CD101: variants seen among roughly 807,000 people sequenced by gnomAD.
CD101 encodes the protein immunoglobulin superfamily member 2.
In CD101, 76 loss-of-function variants were observed where a neutral mutation model predicts 98.2. The observed-to-expected ratio is 0.77, with a 90% CI of 0.64 to 0.94. The LOEUF is 0.94. Ranked by LOEUF, CD101 falls within the 40% of genes least tolerant of loss-of-function variation. The pLI is 0.00. For missense variants in CD101, 1,145 were observed against 1,218.8 expected, an observed-to-expected ratio of 0.94 and a Z score of 0.90; for synonymous variants, 471 against 472.7, an observed-to-expected ratio of 1.00 and a Z score of 0.05.
At chr1:117,025,925 C>G (rs369688691) in intron 8 of CD101, 21 bp downstream of exon 8, 3 of 1,585,226 alleles carry the variant, frequency 1.9e-6, no homozygotes, top group Non-Finnish European at 2.6e-6. Context: ...GTTTATCTAC[C>G]GCGAGCTCAT....
Position 117,011,737 on chromosome 1 carries a change from T to C in CD101, c.612T>C (p.Asp204=). 1 of 1,614,086 alleles carries C rather than the reference T, an allele frequency of 6.2e-7. No individual in the cohort carries two copies. The highest frequency in any genetic ancestry group is 8.5e-7 in the Non-Finnish European group (1 of 1,180,004). The part of the protein sequence containing the change: ...QATEIISLSK[D]FILVPGPLYT... ...CTGAGATTATTTCTCTCTCCAAAGA[T>C]TTTATATTGGTCCCTGGGCCCTTGT... is the stretch of plus-strand genomic sequence containing the variant. Residue 204 remains aspartate (D), a synonymous_variant, in exon 3 of 10, where the codon GAT becomes GAC. Coordinates refer to ENST00000682167, the MANE Select transcript of CD101 (RefSeq NM_001256106.3).
At position 117,021,540 on chromosome 1, in the gene CD101, A is replaced by T; in HGVS notation, c.2018-33A>T. 6.6e-7 allele frequency: 1 copy of T among 1,523,030 alleles called. No homozygotes were observed. Among genetic ancestry groups the T allele is most frequent in the Non-Finnish European group, 8.8e-7 (1 of 1,137,964 alleles). The allele number at this position is 1,523,030 out of a possible 1,614,324, so 94.3% of individuals were successfully genotyped here. A position where few individuals can be genotyped will look rare whatever the true frequency, so the allele number is the denominator to read the frequency against. On this transcript the variant is annotated intron_variant, in intron 6 of 9. Coordinates refer to ENST00000682167, the MANE Select transcript of CD101 (RefSeq NM_001256106.3). This position sits in a 1 kb window ranked among gnomAD's most constrained non-coding sequence, Gnocchi z 4.7. The stretch of plus-strand genomic sequence containing the variant: ...CTACTACCTTAACTTTCTATTTCAT[A>T]GCAAAGTAACTGTTTCATTTTTTTA...
At chr1:117,002,373 A>G (rs1428191601) in intron 1 of CD101, among the ~76,000 whole-genome samples, 1 of 152,234 alleles carries the variant, frequency 6.6e-6, no homozygotes, top group Non-Finnish European at 1.5e-5. Flanking sequence ...CTACTGAGAG[A>G]CTGAGAAATG....
At chr1:117,008,462 CA>C (rs569732141) in intron 1 of CD101, among the ~76,000 whole-genome samples, 1,735 of 139,598 alleles carry the variant, frequency 0.012, 10 homozygotes, top group South Asian at 0.023. Context: ...AAGACCGTGT[CA>C]AAAAAAAAAA....
intron 8 of CD101, among the ~76,000 whole-genome samples, chr1:117,029,321 GAA>G (rs904577214): frequency 1.3e-5 from 2 of 152,112 alleles, no homozygotes; most frequent in Admixed American, 1.3e-4. Context: ...AAAGAAGAAA[GAA>G]AGAAAGAAGG....
intron 1 of CD101, 76 bp from the exon 2 acceptor site, chr1:117,009,774 G>C (rs1250863565): frequency 2.7e-5 from 39 of 1,437,078 alleles, no homozygotes; most frequent in Non-Finnish European, 3.7e-5. Context: ...GTAATACAGG[G>C]AAATACATAA....
rs1042956496 is a variant in CD101, at chr1:117,033,729, G to A, written c.2825-131G>A. ...GTCCTGTGCTCCTCATGATTTCAGG[G>A]GCCCACTGCTATTTGGCCCCATTAT... On this transcript the variant is annotated intron_variant, in intron 8 of 9. Coordinates refer to ENST00000682167, the MANE Select transcript of CD101 (RefSeq NM_001256106.3). The surrounding 1 kb of genome is among the most constrained non-coding windows in gnomAD (Gnocchi z 4.8). 124 of 1,175,684 alleles carry A rather than the reference G, an allele frequency of 1.1e-4. No individual in the cohort carries two copies. In the Middle Eastern group the frequency reaches 1.3e-3, roughly 12 times the overall value. 72.8% of individuals were successfully genotyped at this position (1,175,684 alleles called of 1,614,324 possible). A position where few individuals can be genotyped will look rare whatever the true frequency, so the allele number is the denominator to read the frequency against.
At position 117,031,151 on chromosome 1, in the gene CD101, A is replaced by G. The variant is rs3767781; in HGVS notation, c.2825-2709A>G. ...GGCCTCCCAGGAGAGGTGATTTAAC[A>G]GCACAGGCACTAACAGTTGCTAGCT... On this transcript the variant is annotated intron_variant, in intron 8 of 9. Coordinates refer to ENST00000682167, the MANE Select transcript of CD101 (RefSeq NM_001256106.3). Among the ~76,000 whole-genome samples, 94 of 152,296 alleles carry G rather than the reference A, an allele frequency of 6.2e-4. No individual in the cohort carries two copies. The East Asian group carries it at 0.015, about 24-fold the overall frequency.
rs1227788827 is a variant in CD101, at chr1:117,012,895, A to G, written c.842-511A>G. On this transcript the variant is annotated intron_variant, in intron 3 of 9. Coordinates refer to ENST00000682167, the MANE Select transcript of CD101 (RefSeq NM_001256106.3). The surrounding 1 kb of genome is among the most constrained non-coding windows in gnomAD (Gnocchi z 4.0). ...AAGTTTTTTCTTTATTAAAAACAGTATTATTGTGTTCCACTAAAAATTGTC... is the reference window on the plus strand; with the variant it reads ...AAGTTTTTTCTTTATTAAAAACAGTGTTATTGTGTTCCACTAAAAATTGTC... Among the ~76,000 whole-genome samples, 2 of 152,178 alleles carry G rather than the reference A, an allele frequency of 1.3e-5. No homozygotes were observed. Among genetic ancestry groups the G allele is most frequent in the Admixed American group, 6.5e-5 (1 of 15,272 alleles).
intron 4 of CD101, among the ~76,000 whole-genome samples, chr1:117,016,415 A>G (rs950466365): frequency 2.6e-5 from 4 of 152,094 alleles, no homozygotes; most frequent in African/African-American, 7.2e-5. Context: ...CTAAAAAACT[A>G]AAAATTTAAA....
At chr1:117,029,213 A>AAAAGAAAAG (rs1654217972) in intron 8 of CD101, among the ~76,000 whole-genome samples, 1 of 71,758 alleles carries the variant, frequency 1.4e-5, no homozygotes, top group Non-Finnish European at 2.9e-5. Context: ...GAAAAGAAAG[A>AAAAGAAAAG]AAAGAAAGAA....
chr1:117,021,835 A>G lies in CD101; in HGVS notation c.2280A>G (p.Leu760=). 1 of 1,614,126 alleles carries G rather than the reference A, an allele frequency of 6.2e-7. No individual in the cohort carries two copies. Among genetic ancestry groups the G allele is most frequent in the South Asian group, 1.1e-5 (1 of 91,084 alleles). ...KFHTEKVSQD[L]FQLHILNVED... is the part of the protein sequence containing the mutation. ...ATACTGAGAAGGTTTCCCAAGACTT[A>G]TTTCAGCTGCACATTCTGAATGTGG... is the stretch of plus-strand genomic sequence containing the variant. Residue 760 remains leucine (L), a synonymous_variant, in exon 7 of 10, where the codon TTA becomes TTG. Coordinates refer to ENST00000682167, the MANE Select transcript of CD101 (RefSeq NM_001256106.3). This position sits in a 1 kb window ranked among gnomAD's most constrained non-coding sequence, Gnocchi z 4.7.
chr1:117,007,658 T>A (rs369701925), intron 1 of CD101, among the ~76,000 whole-genome samples: 90 of 152,346 alleles, frequency 5.9e-4, no homozygotes, highest in African/African-American at 1.9e-3. Flanking sequence ...ATTTCCTGCC[T>A]TTTTGCTAAT....
rs146105240 is a variant in CD101 at position 117,022,754 on chromosome 1, T to C, written c.2428+771T>C. 2.7e-3 allele frequency among the ~76,000 whole-genome samples: 411 copies of C among 152,306 alleles called. 1 individual carries two copies. The highest frequency in any genetic ancestry group is 9.3e-3 in the South Asian group (45 of 4,822). ...AAAAAAATTAGATGATAATTGAGCA[T>C]TACTATGTGTTAGGCAGTGGAATAC... On this transcript the variant is annotated intron_variant, in intron 7 of 9. Coordinates refer to ENST00000682167, the MANE Select transcript of CD101 (RefSeq NM_001256106.3). The surrounding 1 kb of genome is among the most constrained non-coding windows in gnomAD (Gnocchi z 4.8).
At position 117,033,885 on chromosome 1, in the gene CD101, C is replaced by T; in HGVS notation, c.2850C>T (p.Cys950=). The change falls in exon 9 of 10, where the codon TGC becomes TGT. Residue 950 remains cysteine (C), a synonymous_variant. Transcript: ENST00000682167. The surrounding 1 kb of genome is among the most constrained non-coding windows in gnomAD (Gnocchi z 4.8). ...PSEPTLPSRI[C]SSAPLLYFLF... ...AGCCCACGCTTCCTTCCAGGATCTGCTCCTCGGCCCCTTTACTCTATTTCC... is the reference window on the plus strand; with the variant it reads ...AGCCCACGCTTCCTTCCAGGATCTGTTCCTCGGCCCCTTTACTCTATTTCC... The T allele has an allele frequency of 1.9e-6, 3 of 1,614,200 alleles. No homozygotes were observed. Among genetic ancestry groups the T allele is most frequent in the East Asian group, 4.5e-5 (2 of 44,894 alleles).
Position 117,012,001 on chromosome 1 carries a change from A to G in CD101, c.841+35A>G. The G allele has an allele frequency of 6.7e-7, 1 of 1,497,078 alleles. No homozygotes were observed. The highest frequency in any genetic ancestry group is 9.2e-7 in the Non-Finnish European group (1 of 1,090,184). The allele number at this position is 1,497,078 out of a possible 1,614,324, so 92.7% of individuals were successfully genotyped here. A position where few individuals can be genotyped will look rare whatever the true frequency, so the allele number is the denominator to read the frequency against. ...TTCCTACGAAATTCATTAATACACT[A>G]GTATTAGGTAGTGGGTATTTATGAG... On this transcript the variant is annotated intron_variant, in intron 3 of 9. Coordinates refer to ENST00000682167, the MANE Select transcript of CD101 (RefSeq NM_001256106.3). This position sits in a 1 kb window ranked among gnomAD's most constrained non-coding sequence, Gnocchi z 4.0.
Position 117,007,694 on chromosome 1 carries a change from A to G in CD101, c.44-2156A>G, listed in dbSNP as rs78994961. On this transcript the variant is annotated intron_variant, in intron 1 of 9. Coordinates refer to ENST00000682167, the MANE Select transcript of CD101 (RefSeq NM_001256106.3). ...GATTTCAGCCCTTTATGTGTGCATC[A>G]CTAAATAATACAGTGTGGTTTCACC... 8.0e-3 allele frequency among the ~76,000 whole-genome samples: 1,220 copies of G among 152,308 alleles called. 11 individuals carry two copies. Among genetic ancestry groups the G allele is most frequent in the African/African-American group, 0.028 (1,156 of 41,566 alleles).
At position 117,018,331 on chromosome 1, in the gene CD101, C is replaced by T. The variant is rs1454083412; in HGVS notation, c.1788C>T (p.Thr596=). The part of the protein sequence containing the change: ...SHIFHQLIRI[T]HNGTIEWGNF... ...TCTTCCACCAGCTTATTCGAATCACCCACAATGGCACTATTGAATGGGGGA... is the reference window on the plus strand; with the variant it reads ...TCTTCCACCAGCTTATTCGAATCACTCACAATGGCACTATTGAATGGGGGA... Residue 596 remains threonine (T), a synonymous_variant, in exon 6 of 10, where the codon ACC becomes ACT. Transcript: ENST00000682167. The surrounding 1 kb of genome is among the most constrained non-coding windows in gnomAD (Gnocchi z 4.3). 2 of 1,614,180 alleles carry T rather than the reference C, an allele frequency of 1.2e-6. No homozygotes were observed. Among genetic ancestry groups the T allele is most frequent in the Non-Finnish European group, 8.5e-7 (1 of 1,180,032 alleles).
In CD101 at chr1:117,001,765, A is replaced by C. The variant is rs747220228; in HGVS notation, c.-53A>C. The C allele has an allele frequency of 2.8e-5, 44 of 1,555,340 alleles. No homozygotes were observed. Among genetic ancestry groups the C allele is most frequent in the Non-Finnish European group, 2.6e-5 (29 of 1,128,172 alleles). ...GTGAGAGCACAGCATTTGTCACTCA[A>C]CCTCTGAATGTTAGTGACACTATTG... On this transcript the variant is annotated 5_prime_UTR_variant, in exon 1 of 10. Coordinates refer to ENST00000682167, the MANE Select transcript of CD101 (RefSeq NM_001256106.3).
Sources: allele counts gnomAD v4.1 joint callset (sites outside exome capture counted in the v4.1 genomes callset), GRCh38; gene constraint gnomAD v4.1.1; non-coding constraint Gnocchi (gnomAD v3.1); transcripts MANE v1.5; gene names NCBI Gene and HGNC (gene_info 2026-07-23, HGNC 2026-07-21).